Variants in GTF2F2 observed in about 807,000 individuals in gnomAD.
The protein encoded by GTF2F2 is general transcription factor IIF subunit 2, also known as ATP-dependent helicase GTF2F2.
In GTF2F2, 23 loss-of-function variants were observed where a neutral mutation model predicts 42.2. The ratio of observed to expected loss-of-function variants is 0.55; its 90% CI spans 0.39 to 0.77. GTF2F2 has a LOEUF of 0.77. Ranked by LOEUF, GTF2F2 falls within the 30% of genes least tolerant of loss-of-function variation. The pLI is 0.00. For synonymous variants in GTF2F2, 105 were observed against 100.8 expected (o/e 1.04, Z -0.25); for missense variants, 261 against 287.2 (o/e 0.91, Z 0.66).
intron 4 of GTF2F2, among the ~76,000 whole-genome samples, chr13:45,171,252 GTTT>G (rs1389188255): frequency 6.6e-6 from 1 of 151,690 alleles, no homozygotes; most frequent in Admixed American, 6.6e-5. Flanking sequence ...TAACTTTTCT[GTTT>G]TTTAGTAGAG....
intron 5 of GTF2F2, among the ~76,000 whole-genome samples, chr13:45,215,316 T>G (rs1219799840): frequency 2.0e-5 from 3 of 152,236 alleles, no homozygotes; most frequent in African/African-American, 7.2e-5. Flanking sequence ...CTTTTGAGAA[T>G]GAAAGCAGGC....
Position 45,166,639 on chromosome 13 carries a change from C to T in GTF2F2, c.304+14808C>T, listed in dbSNP as rs148197670. 3.2e-3 allele frequency among the ~76,000 whole-genome samples: 482 copies of T among 152,188 alleles called. 6 individuals are homozygous for T. The highest frequency in any genetic ancestry group is 0.017 in the Middle Eastern group (5 of 294). On this transcript the variant is annotated intron_variant, in intron 4 of 7. Coordinates refer to ENST00000340473, the MANE Select transcript of GTF2F2 (RefSeq NM_004128.3). ...GAAAATCTTGTCAATCCACTATGAC[C>T]AGACTTTAGGGAATAGGGGGCTTTA...
At chr13:45,230,258 T>A (rs1458851382) in intron 5 of GTF2F2, among the ~76,000 whole-genome samples, 1 of 151,218 alleles carries the variant, frequency 6.6e-6, no homozygotes, top group Admixed American at 6.6e-5. Context: ...GTAGGAGAGG[T>A]AACTCCAGTA....
chr13:45,178,897 G>T (rs1360447756), intron 4 of GTF2F2, among the ~76,000 whole-genome samples: 6 of 152,182 alleles, frequency 3.9e-5, no homozygotes, highest in Admixed American at 3.9e-4. Context: ...GTTGGCTAGG[G>T]TGCAGTGTCC....
intron 6 of GTF2F2, among the ~76,000 whole-genome samples, chr13:45,259,878 C>A (rs1411691999): frequency 1.3e-5 from 2 of 152,074 alleles, no homozygotes; most frequent in Non-Finnish European, 2.9e-5. Context: ...GCGTGAGCCA[C>A]TGCGCCTGGC....
Position 45,165,583 on chromosome 13 carries a change from C to T in GTF2F2, c.304+13752C>T, listed in dbSNP as rs1201385558. On this transcript the variant is annotated intron_variant, in intron 4 of 7. Coordinates refer to ENST00000340473, the MANE Select transcript of GTF2F2 (RefSeq NM_004128.3). ...ACTGCCCTCGCCCCCCCCCGCCGCC[C>T]GCTTTTAACCTTTTCATTCTGGAAA... Among the ~76,000 whole-genome samples, 3 of 150,668 alleles carry T rather than the reference C, an allele frequency of 2.0e-5. No individual in the cohort carries two copies. The East Asian group carries it at 5.8e-4, about 29-fold the overall frequency.
intron 2 of GTF2F2, among the ~76,000 whole-genome samples, chr13:45,142,677 T>C (rs1869990080): frequency 6.6e-6 from 1 of 152,222 alleles, no homozygotes; most frequent in Non-Finnish European, 1.5e-5. Flanking sequence ...ACCCTAAGAC[T>C]GCTATGAAAA....
intron 1 of GTF2F2, among the ~76,000 whole-genome samples, chr13:45,130,711 G>C (rs1209690901): frequency 2.6e-5 from 4 of 152,202 alleles, no homozygotes; most frequent in Admixed American, 2.0e-4. Flanking sequence ...GTGTTTGGAA[G>C]AATGGAGTTG....
At chr13:45,153,934 A>G (rs796759575) in intron 4 of GTF2F2, among the ~76,000 whole-genome samples, 47 of 143,180 alleles carry the variant, frequency 3.3e-4, no homozygotes, top group African/African-American at 1.2e-3. Flanking sequence ...CCAAGATTGC[A>G]CCACTGTACT....
chr13:45,194,448 A>C (rs752486870), intron 4 of GTF2F2: 1 of 1,614,098 alleles, frequency 6.2e-7, no homozygotes, highest in South Asian at 1.1e-5. Flanking sequence ...ATAAATATCC[A>C]CCAACGTTGA....
intron 3 of GTF2F2, among the ~76,000 whole-genome samples, chr13:45,150,362 G>A (rs1217758459): frequency 6.6e-6 from 1 of 152,008 alleles, no homozygotes; most frequent in East Asian, 1.9e-4. Context: ...CTGTTGAGTT[G>A]TATTTGTTAA....
At chr13:45,154,380 G>A (rs568694283) in intron 4 of GTF2F2, among the ~76,000 whole-genome samples, 12 of 152,166 alleles carry the variant, frequency 7.9e-5, no homozygotes, top group East Asian at 7.7e-4. Context: ...TGAACATTTC[G>A]TGTTCACGTT....
At chr13:45,276,506 G>A (rs778695769) in intron 7 of GTF2F2, among the ~76,000 whole-genome samples, 19 of 150,840 alleles carry the variant, frequency 1.3e-4, no homozygotes, top group Non-Finnish European at 1.6e-4. Flanking sequence ...GCATGATCTC[G>A]GCTCACTGCA....
At chr13:45,192,270 A>T (rs927335013) in intron 4 of GTF2F2, among the ~76,000 whole-genome samples, 4 of 152,138 alleles carry the variant, frequency 2.6e-5, no homozygotes, top group Admixed American at 1.3e-4. Flanking sequence ...TGGTTTTTAA[A>T]TGTGATTTTT....
At chr13:45,205,003 T>C (rs1390451566) in intron 4 of GTF2F2, among the ~76,000 whole-genome samples, 1 of 152,198 alleles carries the variant, frequency 6.6e-6, no homozygotes, top group African/African-American at 2.4e-5. Flanking sequence ...TGAGCTGTCA[T>C]ATGGAGAAGG....
At chr13:45,176,935 G>A (rs535783318) in intron 4 of GTF2F2, among the ~76,000 whole-genome samples, 3 of 152,010 alleles carry the variant, frequency 2.0e-5, no homozygotes, top group Admixed American at 1.3e-4. Context: ...ATAGGTGCCC[G>A]CCACCATGCG....
At chr13:45,203,894 C>A (rs1335305627) in intron 4 of GTF2F2, among the ~76,000 whole-genome samples, 1 of 152,070 alleles carries the variant, frequency 6.6e-6, no homozygotes, top group African/African-American at 2.4e-5. Flanking sequence ...CCTACGAGAC[C>A]AGCAGCTCTC....
At chr13:45,215,781 CTG>C (rs966808285) in intron 5 of GTF2F2, among the ~76,000 whole-genome samples, 4 of 150,064 alleles carry the variant, frequency 2.7e-5, no homozygotes, top group African/African-American at 7.3e-5. Context: ...AAGACTAAAA[CTG>C]TTTGTTTTAA....
At chr13:45,131,920 A>G (rs200803795) in intron 1 of GTF2F2, among the ~76,000 whole-genome samples, 63 of 146,262 alleles carry the variant, frequency 4.3e-4, no homozygotes, top group East Asian at 1.4e-3. Flanking sequence ...AAAAAAAAAA[A>G]AGAGAGAGAG....
Sources: gnomAD v4.1 joint callset for allele counts (sites outside exome capture counted in the v4.1 genomes callset) on GRCh38, gnomAD v4.1.1 for gene constraint, MANE v1.5 for transcripts, NCBI Gene and HGNC (gene_info 2026-07-23, HGNC 2026-07-21) for gene names.